Variants in ATG2B observed in about 807,000 individuals in gnomAD.
ATG2B encodes the protein autophagy-related protein 2 homolog B.
In ATG2B, 121 loss-of-function variants were observed where a neutral mutation model predicts 241.3. The observed-to-expected ratio is 0.50, with a 90% CI of 0.43 to 0.58. The LOEUF is 0.58. ATG2B is among the 20% of genes least tolerant of loss of function. The pLI is 0.00. For synonymous variants in ATG2B, 858 were observed against 876.6 expected (o/e 0.98, Z 0.37); for missense variants, 2,306 against 2,491.6 (o/e 0.93, Z 1.59).
rs1366093585 is a variant in ATG2B at position 96,285,965 on chromosome 14, C to A, written c.6027G>T (p.Gln2009His). The change falls in exon 42 of 42, where the codon CAG (glutamine) becomes CAT (histidine). Residue 2009 changes from glutamine (Q) to histidine (H), a missense_variant. Coordinates refer to ENST00000359933, the MANE Select transcript of ATG2B (RefSeq NM_018036.7). This position sits in a 1 kb window ranked among gnomAD's most constrained non-coding sequence, Gnocchi z 4.2. Reference sequence around the variant, plus strand: ...CTCGAGCCGCAGTTTCATAAATGGTCTGAGCCGTGTCTGTGATTCCCTGCG... The same window carrying A: ...CTCGAGCCGCAGTTTCATAAATGGTATGAGCCGTGTCTGTGATTCCCTGCG... ...VVKEGITDTA[Q>H]TIYETAAREH... 1 of 1,613,400 alleles carries A rather than the reference C, an allele frequency of 6.2e-7. No individual in the cohort carries two copies. Among genetic ancestry groups the A allele is most frequent in the South Asian group, 1.1e-5 (1 of 90,904 alleles).
chr14:96,307,822 A>G (rs1389088018), intron 29 of ATG2B, among the ~76,000 whole-genome samples: 3 of 152,148 alleles, frequency 2.0e-5, no homozygotes, highest in Non-Finnish European at 4.4e-5. Flanking sequence ...TAGCTATCGC[A>G]AAAGATTACA....
chr14:96,299,928 G>C (rs1886744949), intron 34 of ATG2B, among the ~76,000 whole-genome samples: 1 of 152,130 alleles, frequency 6.6e-6, no homozygotes, highest in African/African-American at 2.4e-5. Flanking sequence ...AAAAATATTT[G>C]ATTTTCTACT....
At chr14:96,357,297 C>CT (rs1888502560) in intron 1 of ATG2B, among the ~76,000 whole-genome samples, 1 of 152,034 alleles carries the variant, frequency 6.6e-6, no homozygotes, top group African/African-American at 2.4e-5. Flanking sequence ...ATCTAAGTTT[C>CT]ATCTTCGGCC....
chr14:96,328,563 T>C lies in ATG2B; in HGVS notation c.1975-28A>G, dbSNP rs749513487. 76 of 1,568,708 alleles carry C rather than the reference T, an allele frequency of 4.8e-5. 1 individual carries two copies. The highest frequency in any genetic ancestry group is 6.0e-6 in the Non-Finnish European group (7 of 1,158,354). On this transcript the variant is annotated intron_variant, in intron 13 of 41. Transcript: ENST00000359933. Reference sequence around the variant, plus strand: ...TTTAAAAAAAAAAAAGAAAAGGCATTAATACAATCACTAAAAACTACTATA... The same window carrying C: ...TTTAAAAAAAAAAAAGAAAAGGCATCAATACAATCACTAAAAACTACTATA...
chr14:96,305,256 C>CT (rs1886907002), intron 31 of ATG2B, among the ~76,000 whole-genome samples: 1 of 152,284 alleles, frequency 6.6e-6, no homozygotes, highest in African/African-American at 2.4e-5. Flanking sequence ...GACACACTTC[C>CT]TGCGTTTCAC....
intron 36 of ATG2B, among the ~76,000 whole-genome samples, chr14:96,292,607 T>C (rs1886516070): frequency 6.6e-6 from 1 of 152,218 alleles, no homozygotes; most frequent in Non-Finnish European, 1.5e-5. Context: ...CCCAGGTTCA[T>C]CTATGACATG....
At chr14:96,295,959 A>T (rs143755997) in intron 34 of ATG2B, among the ~76,000 whole-genome samples, 3 of 152,278 alleles carry the variant, frequency 2.0e-5, no homozygotes, top group African/African-American at 7.2e-5. Context: ...CATGTGCTGG[A>T]CACTTTTTTT....
At position 96,311,307 on chromosome 14, in the gene ATG2B, AG is replaced by A; in HGVS notation, c.3991-21del. The A allele has an allele frequency of 6.3e-7, 1 of 1,582,360 alleles. No homozygotes were observed. The highest frequency in any genetic ancestry group is 1.2e-5 in the South Asian group (1 of 85,650). ...CTCAGTCTGGACAAGACACAGAAAA[AG>A]GGATGAAAATGTTTTCCAAATGAGA... On this transcript the variant is annotated intron_variant, in intron 27 of 41. Transcript: ENST00000359933.
At chr14:96,307,730 G>T (rs1392341253) in intron 29 of ATG2B, among the ~76,000 whole-genome samples, 5 of 152,090 alleles carry the variant, frequency 3.3e-5, no homozygotes, top group African/African-American at 1.2e-4. Flanking sequence ...GCATTAGGTG[G>T]CAGAGGAGGC....
chr14:96,317,882 G>A, intron 18 of ATG2B, 27 bp from the exon 19 acceptor site: 3 of 1,517,332 alleles, frequency 2.0e-6, no homozygotes, highest in Non-Finnish European at 2.7e-6. Context: ...TGAAAAATAA[G>A]TACTTAACTC....
At position 96,288,286 on chromosome 14, in the gene ATG2B, A is replaced by G. The variant is rs3783430; in HGVS notation, c.6006+1370T>C. Among the ~76,000 whole-genome samples, 294 of 152,336 alleles carry G rather than the reference A, an allele frequency of 1.9e-3. 13 individuals are homozygous for G. In the South Asian group the frequency reaches 0.041, roughly 21 times the overall value. ...TCGCCTATCTCTAATGGTGATTACC[A>G]TATATTTGGCACAAAGTAAGCACAC... On this transcript the variant is annotated intron_variant, in intron 41 of 41. Coordinates refer to ENST00000359933, the MANE Select transcript of ATG2B (RefSeq NM_018036.7).
At position 96,343,101 on chromosome 14, in the gene ATG2B, G is replaced by T. The variant is rs1181906192; in HGVS notation, c.744+18C>A. On this transcript the variant is annotated intron_variant, in intron 5 of 41. Coordinates refer to ENST00000359933, the MANE Select transcript of ATG2B (RefSeq NM_018036.7). ...AAAAATCTATGATTATGGTTTTAGGGTTTTTGTTTTTTCTTACCACTGGTG... is the reference window on the plus strand; with the variant it reads ...AAAAATCTATGATTATGGTTTTAGGTTTTTTGTTTTTTCTTACCACTGGTG... 3 of 1,525,496 alleles carry T rather than the reference G, an allele frequency of 2.0e-6. No individual in the cohort carries two copies. Among genetic ancestry groups the T allele is most frequent in the South Asian group, 2.6e-5 (2 of 78,062 alleles). 94.5% of individuals were successfully genotyped at this position (1,525,496 alleles called of 1,614,324 possible).
In ATG2B at chr14:96,333,849, G is replaced by A; in HGVS notation, c.1046C>T (p.Ala349Val). The A allele has an allele frequency of 6.2e-7, 1 of 1,613,434 alleles. No homozygotes were observed. Among genetic ancestry groups the A allele is most frequent in the Non-Finnish European group, 8.5e-7 (1 of 1,179,706 alleles). Reference protein sequence around the residue: ...GPENSSKIGLANKDRKNRPMQ... With the variant: ...GPENSSKIGLVNKDRKNRPMQ... Reference sequence around the variant, plus strand: ...GGGTCGATTTTTCCTATCTTTATTAGCTAACCCTATTTTGCTAGAATTTTC... The same window carrying A: ...GGGTCGATTTTTCCTATCTTTATTAACTAACCCTATTTTGCTAGAATTTTC... Residue 349 changes from alanine (A) to valine (V), a missense_variant, in exon 8 of 42, where the codon GCT becomes GTT. Transcript: ENST00000359933.
chr14:96,288,349 C>A (rs771066480), intron 41 of ATG2B, among the ~76,000 whole-genome samples: 3 of 152,142 alleles, frequency 2.0e-5, no homozygotes, highest in Non-Finnish European at 4.4e-5. Context: ...ATTAGGCAAC[C>A]ACTTCACAAG....
At chr14:96,319,579 G>GA (rs966895491) in intron 18 of ATG2B, among the ~76,000 whole-genome samples, 12 of 150,140 alleles carry the variant, frequency 8.0e-5, no homozygotes, top group East Asian at 7.8e-4. Flanking sequence ...CTCCTGCTCA[G>GA]AAAAAAAAAT....
At position 96,325,848 on chromosome 14, in the gene ATG2B, G is replaced by A; in HGVS notation, c.2238C>T (p.Ala746=). The change falls in exon 15 of 42, where the codon GCC becomes GCT. Residue 746 remains alanine (A), a synonymous_variant. Coordinates refer to ENST00000359933, the MANE Select transcript of ATG2B (RefSeq NM_018036.7). ...GAACAGAAAGGTTTAATGCTGGTGT[G>A]GCAACTTGTACTGATATCCGACAAT... ...PANCRISVQV[A]TPALNLSVRF... 1.2e-6 allele frequency: 2 copies of A among 1,613,942 alleles called. No individual in the cohort carries two copies. The highest frequency in any genetic ancestry group is 1.7e-6 in the Non-Finnish European group (2 of 1,179,954).
chr14:96,296,622 G>A (rs367876662), intron 34 of ATG2B, among the ~76,000 whole-genome samples: 10 of 151,882 alleles, frequency 6.6e-5, no homozygotes, highest in African/African-American at 2.2e-4. Context: ...TTAGCCAGGC[G>A]TGGTGGCAGG....
At chr14:96,356,202 T>C (rs1486052341) in intron 1 of ATG2B, among the ~76,000 whole-genome samples, 1 of 151,476 alleles carries the variant, frequency 6.6e-6, no homozygotes, top group Non-Finnish European at 1.5e-5. Context: ...TGAGCTAATT[T>C]AGATTAACAT....
intron 34 of ATG2B, among the ~76,000 whole-genome samples, chr14:96,296,003 G>C (rs529713221): frequency 2.6e-5 from 4 of 152,238 alleles, no homozygotes; most frequent in Admixed American, 2.6e-4. Flanking sequence ...CGCCAGGCTG[G>C]AGTGCAGTGG....
Sources: allele counts gnomAD v4.1 joint callset (sites outside exome capture counted in the v4.1 genomes callset), GRCh38; gene constraint gnomAD v4.1.1; non-coding constraint Gnocchi (gnomAD v3.1); transcripts MANE v1.5; gene names NCBI Gene and HGNC (gene_info 2026-07-23, HGNC 2026-07-21).